The following MACROD2 variants were observed in gnomAD, a reference collection of about 807,000 sequenced individuals.
The protein encoded by MACROD2 is mono-ADP ribosylhydrolase 2.
Under a neutral mutation model 70.4 loss-of-function variants are expected in MACROD2, and 36 were observed. The ratio of observed to expected loss-of-function variants is 0.51; its 90% CI spans 0.39 to 0.68. The LOEUF is 0.68. MACROD2 is among the 30% of genes least tolerant of loss of function. MACROD2 has a pLI of 0.00. For synonymous variants in MACROD2, 172 were observed against 178.8 expected (o/e 0.96, Z 0.30); for missense variants, 496 against 538.4 (o/e 0.92, Z 0.78).
chr20:14,455,564 G>A (rs1428498450), intron 3 of MACROD2, among the ~76,000 whole-genome samples: 1 of 151,746 alleles, frequency 6.6e-6, no homozygotes, highest in Non-Finnish European at 1.5e-5. Context: ...AAGAGCAATA[G>A]ATAATATTTA....
chr20:14,049,231 AG>A (rs2053527469), intron 2 of MACROD2, among the ~76,000 whole-genome samples: 2 of 151,006 alleles, frequency 1.3e-5, no homozygotes, highest in South Asian at 4.2e-4. Flanking sequence ...GGTATTAAGA[AG>A]GGTGACATTG....
intron 12 of MACROD2, among the ~76,000 whole-genome samples, chr20:15,960,975 G>A (rs1236191861): frequency 6.6e-6 from 1 of 152,156 alleles, no homozygotes; most frequent in African/African-American, 2.4e-5. Flanking sequence ...AGAAGGAGAA[G>A]AGTGAATCCA....
chr20:15,131,514 T>C (rs1373823797), intron 5 of MACROD2, among the ~76,000 whole-genome samples: 1 of 152,002 alleles, frequency 6.6e-6, no homozygotes, highest in Admixed American at 6.6e-5. Flanking sequence ...TGGTAAAGGG[T>C]AGAATAATCA....
chr20:14,265,867 T>G (rs566023621), intron 3 of MACROD2, among the ~76,000 whole-genome samples: 3 of 150,760 alleles, frequency 2.0e-5, no homozygotes, highest in African/African-American at 7.3e-5. Context: ...AGCTCCGCCT[T>G]CCGGGTTCAC....
Position 14,382,011 on chromosome 20 carries a change from AG to A in MACROD2, c.272-111466del, listed in dbSNP as rs531165432. On this transcript the variant is annotated intron_variant, in intron 3 of 17. Coordinates refer to ENST00000684519, the MANE Select transcript of MACROD2 (RefSeq NM_001351661.2). The stretch of plus-strand genomic sequence containing the variant: ...CCAAAATCAAACTTGGGCAATAAAA[AG>A]GATATTGCTTTGTTTGTTTTGGTAC... Among the ~76,000 whole-genome samples, 713 of 152,174 alleles carry A rather than the reference AG, an allele frequency of 4.7e-3. 6 individuals are homozygous for A. The highest frequency in any genetic ancestry group is 0.017 in the African/African-American group (687 of 41,526).
At chr20:15,516,345 C>G (rs2047567539) in intron 8 of MACROD2, among the ~76,000 whole-genome samples, 1 of 152,130 alleles carries the variant, frequency 6.6e-6, no homozygotes, top group African/African-American at 2.4e-5. Flanking sequence ...CTTTCAAAAG[C>G]CTCTCAGTCT....
chr20:15,832,020 G>A (rs2191522), intron 8 of MACROD2, among the ~76,000 whole-genome samples: 77,984 of 151,876 alleles, frequency 0.51, 21,137 homozygotes, highest in Non-Finnish European at 0.61. Flanking sequence ...TGAGACTAGA[G>A]CTGAGAATCC....
At chr20:15,304,766 G>T (rs112972306) in intron 6 of MACROD2, among the ~76,000 whole-genome samples, 21 of 152,222 alleles carry the variant, frequency 1.4e-4, no homozygotes, top group African/African-American at 5.1e-4. Flanking sequence ...AGCCAATCGG[G>T]TCTAGCTTAG....
rs1298795691 is a variant in MACROD2 at position 15,271,500 on chromosome 20, C to G, written c.540+41439C>G. On this transcript the variant is annotated intron_variant, in intron 6 of 17. Transcript: ENST00000684519. ...TTGTGAGATCAAAAGCCATGTCTAT[C>G]TTATTTACCAGTTTCCAAAACAGCA... Among the ~76,000 whole-genome samples, 3 of 152,166 alleles carry G rather than the reference C, an allele frequency of 2.0e-5. No individual in the cohort carries two copies. In the East Asian group the frequency reaches 5.8e-4, roughly 29 times the overall value.
intron 6 of MACROD2, among the ~76,000 whole-genome samples, chr20:15,349,093 C>T (rs2078198827): frequency 6.6e-6 from 1 of 151,940 alleles, no homozygotes; most frequent in Non-Finnish European, 1.5e-5. Flanking sequence ...TAGCATGCAC[C>T]CAGATAATTT....
intron 5 of MACROD2, among the ~76,000 whole-genome samples, chr20:14,880,193 G>C (rs907193487): frequency 1.3e-5 from 2 of 152,146 alleles, no homozygotes; most frequent in Non-Finnish European, 2.9e-5. Flanking sequence ...TTGCCATCAT[G>C]AGAAAAGATA....
chr20:14,617,583 C>G (rs140766098), intron 4 of MACROD2, among the ~76,000 whole-genome samples: 2,227 of 152,186 alleles, frequency 0.015, 54 homozygotes, highest in African/African-American at 0.051. Context: ...ATATACAAAA[C>G]TCATCTAGGT....
intron 3 of MACROD2, among the ~76,000 whole-genome samples, chr20:14,207,775 A>G (rs183917355): frequency 4.6e-5 from 7 of 152,336 alleles, no homozygotes; most frequent in African/African-American, 1.7e-4. Context: ...TTATCCACTT[A>G]GCCTGGAAGG....
At chr20:16,023,856 A>G (rs918845239) in intron 15 of MACROD2, among the ~76,000 whole-genome samples, 7 of 152,134 alleles carry the variant, frequency 4.6e-5, no homozygotes, top group African/African-American at 1.2e-4. Flanking sequence ...CAGTAAGCAA[A>G]TGATTCCCAA....
chr20:14,428,327 T>G (rs553998697), intron 3 of MACROD2, among the ~76,000 whole-genome samples: 2 of 152,230 alleles, frequency 1.3e-5, no homozygotes, highest in South Asian at 4.1e-4. Context: ...ATTAATAAGA[T>G]TCACTTTATG....
chr20:14,015,600 T>C (rs1029314802), intron 2 of MACROD2, among the ~76,000 whole-genome samples: 4 of 152,148 alleles, frequency 2.6e-5, no homozygotes, highest in African/African-American at 4.8e-5. Context: ...AAAGAAACTT[T>C]GTAAACTTTG....
At chr20:14,549,853 G>A (rs1978537813) in intron 4 of MACROD2, among the ~76,000 whole-genome samples, 1 of 151,648 alleles carries the variant, frequency 6.6e-6, no homozygotes, top group Admixed American at 6.6e-5. Context: ...GTAATGCATA[G>A]TATTACTGAC....
chr20:15,105,484 G>A (rs1306869274), intron 5 of MACROD2, among the ~76,000 whole-genome samples: 1 of 152,120 alleles, frequency 6.6e-6, no homozygotes, highest in African/African-American at 2.4e-5. Flanking sequence ...GGGCCTAACA[G>A]TGGAGAAAGG....
In MACROD2 at chr20:14,082,179, T is replaced by TC. The variant is rs1555916944; in HGVS notation, c.164-3442_164-3441insC. Among the ~76,000 whole-genome samples, 3 of 124,218 alleles carry TC rather than the reference T, an allele frequency of 2.4e-5. No homozygotes were observed. The East Asian group carries it at 6.8e-4, about 28-fold the overall frequency. The allele number at this position is 124,218 out of a possible 152,430, so 81.5% of individuals were successfully genotyped here. A position where few individuals can be genotyped will look rare whatever the true frequency, so the allele number is the denominator to read the frequency against. Reference sequence around the variant, plus strand: ...TTCCCATACCTTTCTTTTTTTTTCTTTTTTTTTTTTTTTTTTTGAGATGTA... The same window carrying TC: ...TTCCCATACCTTTCTTTTTTTTTCTTCTTTTTTTTTTTTTTTTTGAGATGTA... On this transcript the variant is annotated intron_variant, in intron 2 of 17. Transcript: ENST00000684519.
Sources: gnomAD v4.1 joint callset for allele counts (sites outside exome capture counted in the v4.1 genomes callset) on GRCh38, gnomAD v4.1.1 for gene constraint, MANE v1.5 for transcripts, NCBI Gene and HGNC (gene_info 2026-07-23, HGNC 2026-07-21) for gene names.